The following ESRRG variants were observed in gnomAD, a reference collection of about 807,000 sequenced individuals.
ESRRG encodes the protein estrogen related receptor gamma, also known as estrogen-related receptor gamma.
ESRRG carries 13 observed loss-of-function variants against 44.0 expected under a neutral mutation model. The ratio of observed to expected loss-of-function variants is 0.30; its 90% CI spans 0.19 to 0.47. The LOEUF (loss-of-function observed/expected upper bound fraction) is 0.47, where lower values mean the gene tolerates loss of function less well. Among genes scored for constraint, ESRRG ranks in the 20% least tolerant of loss-of-function variants. The pLI is 1.00. For missense variants in ESRRG, 395 were observed against 580.6 expected, an observed-to-expected ratio of 0.68 and a Z score of 3.29; for synonymous variants, 215 against 214.6, an observed-to-expected ratio of 1.00 and a Z score of -0.02.
chr1:217,003,880 A>T (rs1277497803), intron 1 of ESRRG, among the ~76,000 whole-genome samples: 1 of 152,052 alleles, frequency 6.6e-6, no homozygotes, highest in Non-Finnish European at 1.5e-5. Context: ...GGACCAAAAA[A>T]ATAAAAAAAA....
At chr1:216,858,722 T>G (rs941506678) in intron 2 of ESRRG, among the ~76,000 whole-genome samples, 4 of 152,200 alleles carry the variant, frequency 2.6e-5, no homozygotes, top group Non-Finnish European at 5.9e-5. Context: ...ATTTGGTGTT[T>G]GGCCTAAGTG....
At chr1:216,751,762 T>C (rs1486722451) in intron 2 of ESRRG, among the ~76,000 whole-genome samples, 2 of 152,146 alleles carry the variant, frequency 1.3e-5, no homozygotes, top group African/African-American at 4.8e-5. Context: ...AAAATCAGAA[T>C]CATTGGTGAT....
chr1:217,070,606 C>T (rs1580373891), intron 1 of ESRRG, among the ~76,000 whole-genome samples: 1 of 152,182 alleles, frequency 6.6e-6, no homozygotes, highest in African/African-American at 2.4e-5. Context: ...GTCTCGAACC[C>T]CTGACCTCAG....
chr1:216,647,864 G>T (rs796482173), intron 3 of ESRRG, among the ~76,000 whole-genome samples: 2 of 152,314 alleles, frequency 1.3e-5, no homozygotes, highest in African/African-American at 4.8e-5. Context: ...AGGAGAGAAA[G>T]TTCCCATCGA....
chr1:217,079,390 G>A (rs1046459184), intron 1 of ESRRG, among the ~76,000 whole-genome samples: 2 of 152,184 alleles, frequency 1.3e-5, no homozygotes, highest in Non-Finnish European at 2.9e-5. Flanking sequence ...CAGGTAGCAC[G>A]GGAGAATGTT....
intron 1 of ESRRG, among the ~76,000 whole-genome samples, chr1:217,015,478 A>G (rs551752518): frequency 6.6e-6 from 1 of 152,270 alleles, no homozygotes; most frequent in East Asian, 1.9e-4. Flanking sequence ...CTTTTCTTTC[A>G]TCATTCCATT....
intron 3 of ESRRG, among the ~76,000 whole-genome samples, chr1:216,650,499 TAGAA>T (rs1280539831): frequency 6.6e-6 from 1 of 152,036 alleles, no homozygotes; most frequent in Non-Finnish European, 1.5e-5. Flanking sequence ...TGAAAGCAAA[TAGAA>T]AGCAATTTTA....
At chr1:216,600,543 C>G (rs2150136093) in intron 3 of ESRRG, among the ~76,000 whole-genome samples, 1 of 152,180 alleles carries the variant, frequency 6.6e-6, no homozygotes, top group African/African-American at 2.4e-5. Flanking sequence ...CTTTTAAGTT[C>G]AGGGGTACAT....
intron 2 of ESRRG, among the ~76,000 whole-genome samples, chr1:216,826,159 C>A (rs1282057314): frequency 2.0e-5 from 3 of 148,960 alleles, no homozygotes; most frequent in Non-Finnish European, 4.4e-5. Context: ...GTGCTCAAGT[C>A]ACTATGAACC....
chr1:217,100,000 G>A (rs1327180879), intron 1 of ESRRG, among the ~76,000 whole-genome samples: 1 of 148,910 alleles, frequency 6.7e-6, no homozygotes, highest in Non-Finnish European at 1.5e-5. Context: ...AAAAAAAAAC[G>A]CATTTGTGAA....
At position 216,677,137 on chromosome 1, in the gene ESRRG, C is replaced by G. The variant is rs1230064604; in HGVS notation, c.411G>C (p.Gly137=). ...CACATGATGCTACCCCATAGTGGTACCCAGAAGCGATGTCACCACACACTA... is the reference window on the plus strand; with the variant it reads ...CACATGATGCTACCCCATAGTGGTAGCCAGAAGCGATGTCACCACACACTA... ...LCLVCGDIAS[G]YHYGVASCEA... is the part of the protein sequence containing the mutation. The change falls in exon 2 of 7, where the codon GGG becomes GGC. Residue 137 remains glycine, a synonymous_variant. Coordinates refer to ENST00000408911, the MANE Select transcript of ESRRG (RefSeq NM_001438.4). The G allele has an allele frequency of 1.2e-6, 2 of 1,613,866 alleles. No individual in the cohort carries two copies. The highest frequency in any genetic ancestry group is 2.2e-5 in the South Asian group (2 of 91,078).
chr1:216,699,059 T>C (rs983922397), intron 1 of ESRRG, among the ~76,000 whole-genome samples: 1 of 152,196 alleles, frequency 6.6e-6, no homozygotes, highest in African/African-American at 2.4e-5. Flanking sequence ...CGCCAGCACG[T>C]ACATAAGGTC....
intron 5 of ESRRG, among the ~76,000 whole-genome samples, chr1:216,519,685 G>A (rs1490629605): frequency 1.3e-5 from 2 of 151,838 alleles, no homozygotes; most frequent in Non-Finnish European, 2.9e-5. Flanking sequence ...TCTTTCATTC[G>A]AGAAGAAAAT....
chr1:216,840,993 GC>G (rs61021404), intron 2 of ESRRG, among the ~76,000 whole-genome samples: 5,091 of 152,134 alleles, frequency 0.033, 297 homozygotes, highest in African/African-American at 0.11. Flanking sequence ...GTGAACACAG[GC>G]TGTTGGAAAA....
chr1:216,653,067 G>A (rs1039732874), intron 2 of ESRRG, among the ~76,000 whole-genome samples: 9 of 152,218 alleles, frequency 5.9e-5, no homozygotes, highest in African/African-American at 2.2e-4. Context: ...CCCTTATCAA[G>A]GCATGAGTGC....
chr1:216,570,635 T>C (rs1001462481), intron 3 of ESRRG, among the ~76,000 whole-genome samples: 6 of 152,186 alleles, frequency 3.9e-5, no homozygotes, highest in Non-Finnish European at 8.8e-5. Flanking sequence ...CATATGACAC[T>C]AATTATATCC....
At chr1:217,006,792 C>T (rs1005057531) in intron 1 of ESRRG, among the ~76,000 whole-genome samples, 2 of 151,896 alleles carry the variant, frequency 1.3e-5, no homozygotes, top group Non-Finnish European at 2.9e-5. Flanking sequence ...GTAAATTTTC[C>T]ACTTGTGGTG....
intron 3 of ESRRG, among the ~76,000 whole-genome samples, chr1:216,582,737 T>G (rs2063034133): frequency 6.6e-6 from 1 of 152,216 alleles, no homozygotes; most frequent in Non-Finnish European, 1.5e-5. Context: ...CACTGATAAC[T>G]AGCTGACAAA....
At chr1:216,579,775 C>G (rs193280155) in intron 3 of ESRRG, among the ~76,000 whole-genome samples, 1 of 152,232 alleles carries the variant, frequency 6.6e-6, no homozygotes, top group Admixed American at 6.5e-5. Context: ...TTTTCCCATT[C>G]ACAAGGCAGC....
Sources: allele counts gnomAD v4.1 joint callset (sites outside exome capture counted in the v4.1 genomes callset), GRCh38; gene constraint gnomAD v4.1.1; transcripts MANE v1.5; gene names NCBI Gene and HGNC (gene_info 2026-07-23, HGNC 2026-07-21).